The following CAMSAP2 variants were observed in gnomAD, a reference collection of about 807,000 sequenced individuals.
CAMSAP2 encodes calmodulin-regulated spectrin-associated protein 2.
Under a neutral mutation model 146.1 loss-of-function variants are expected in CAMSAP2, and 26 were observed. The ratio of observed to expected loss-of-function variants is 0.18; its 90% CI spans 0.13 to 0.25. CAMSAP2 has a LOEUF of 0.25. Ranked by LOEUF, CAMSAP2 falls within the 10% of genes least tolerant of loss-of-function variation. The probability of loss-of-function intolerance (pLI) is 1.00; values close to 1 mark genes in which losing one functional copy is unlikely to be tolerated. For missense variants in CAMSAP2, 1,381 were observed against 1,759.3 expected (o/e 0.78, Z 3.85); for synonymous variants, 499 against 596.6 (o/e 0.84, Z 2.38).
Position 200,739,728 on chromosome 1 carries a change from T to G in CAMSAP2, c.-100T>G. The G allele has an allele frequency of 5.9e-5, 69 of 1,166,040 alleles. No individual in the cohort carries two copies. Among genetic ancestry groups the G allele is most frequent in the East Asian group, 1.5e-4 (5 of 32,394 alleles). The allele number at this position is 1,166,040 out of a possible 1,614,324, so 72.2% of individuals were successfully genotyped here. A position where few individuals can be genotyped will look rare whatever the true frequency, so the allele number is the denominator to read the frequency against. On this transcript the variant is annotated 5_prime_UTR_variant, in exon 1 of 17. It removes an upstream start codon present in the reference 5' UTR. Transcript: ENST00000358823. The surrounding 1 kb of genome is among the most constrained non-coding windows in gnomAD (Gnocchi z 4.8). ...CGGGCGGACATCGCCCGGGCCCCGA[T>G]GGTTTGAGCTTGCTTCTCCCTCCCT...
chr1:200,812,776 G>A (rs1666368119), intron 3 of CAMSAP2, among the ~76,000 whole-genome samples: 2 of 152,128 alleles, frequency 1.3e-5, no homozygotes, highest in South Asian at 4.1e-4. Flanking sequence ...TCATGCAGAG[G>A]TACACAAAAA....
intron 2 of CAMSAP2, among the ~76,000 whole-genome samples, chr1:200,763,511 C>G (rs1395947849): frequency 6.6e-6 from 1 of 152,082 alleles, no homozygotes; most frequent in Non-Finnish European, 1.5e-5. Context: ...TGCACTCCAG[C>G]CAGACTGGGC....
intron 4 of CAMSAP2, among the ~76,000 whole-genome samples, chr1:200,817,835 T>C (rs1366757081): frequency 4.6e-5 from 7 of 152,230 alleles, no homozygotes; most frequent in Admixed American, 4.6e-4. Flanking sequence ...TAATCCTTCA[T>C]TCTAACTCTG....
At chr1:200,798,426 G>T (rs1381852968) in intron 2 of CAMSAP2, among the ~76,000 whole-genome samples, 1 of 127,234 alleles carries the variant, frequency 7.9e-6, no homozygotes, top group Non-Finnish European at 1.6e-5. Context: ...TCTCTTTGAA[G>T]CAATTGTGAA....
rs1667080102 is a variant in CAMSAP2, at chr1:200,832,872, T to G, written c.927+27T>G. On this transcript the variant is annotated intron_variant, in intron 6 of 16. Transcript: ENST00000358823. This position sits in a 1 kb window ranked among gnomAD's most constrained non-coding sequence, Gnocchi z 4.2. ...TAAATTAAATTATTCTTTTTTTCCC[T>G]TTGCTTTGTTAAAATATGTTTTTTT... 6.5e-7 allele frequency: 1 copy of G among 1,540,388 alleles called. No homozygotes were observed. The highest frequency in any genetic ancestry group is 8.7e-7 in the Non-Finnish European group (1 of 1,143,982).
At chr1:200,782,421 TAACC>T in intron 2 of CAMSAP2, among the ~76,000 whole-genome samples, 1 of 152,282 alleles carries the variant, frequency 6.6e-6, no homozygotes. Context: ...TAGAACATAA[TAACC>T]CCCCAAAATT....
At chr1:200,835,256 G>A (rs1361532034) in intron 6 of CAMSAP2, among the ~76,000 whole-genome samples, 7 of 152,170 alleles carry the variant, frequency 4.6e-5, no homozygotes, top group Non-Finnish European at 7.4e-5. Context: ...GTGTGTAAAA[G>A]TTATTAAGAT....
chr1:200,752,108 A>G (rs766822862), intron 1 of CAMSAP2, among the ~76,000 whole-genome samples: 7 of 152,144 alleles, frequency 4.6e-5, no homozygotes, highest in African/African-American at 1.4e-4. Flanking sequence ...TTTTAATTTT[A>G]TCTTTCACTT....
At chr1:200,743,110 C>G (rs1013262821) in intron 1 of CAMSAP2, among the ~76,000 whole-genome samples, 2 of 152,112 alleles carry the variant, frequency 1.3e-5, no homozygotes, top group African/African-American at 2.4e-5. Flanking sequence ...CTATCTGTGC[C>G]TTTTCTATAT....
intron 2 of CAMSAP2, among the ~76,000 whole-genome samples, chr1:200,784,684 G>A (rs1665536212): frequency 6.6e-6 from 1 of 152,068 alleles, no homozygotes; most frequent in Non-Finnish European, 1.5e-5. Flanking sequence ...CAATCATGTT[G>A]TCTGTGAATA....
rs949250472 is a variant in CAMSAP2, at chr1:200,739,977, TC to T, written c.139+12del. ...AAGCCTTTGGGACAGGTTAGTGGTG[TC>T]ACCCTTTCCCTCCCCTCTTCCTCCT... On this transcript the variant is annotated intron_variant, in intron 1 of 16. Coordinates refer to ENST00000358823, the MANE Select transcript of CAMSAP2 (RefSeq NM_203459.4). This position sits in a 1 kb window ranked among gnomAD's most constrained non-coding sequence, Gnocchi z 4.8. 6.2e-7 allele frequency: 1 copy of T among 1,613,556 alleles called. No homozygotes were observed. The highest frequency in any genetic ancestry group is 1.3e-5 in the African/African-American group (1 of 74,874).
chr1:200,842,179 C>A, intron 7 of CAMSAP2, 92 bp downstream of exon 7: 2 of 932,976 alleles, frequency 2.1e-6, no homozygotes, highest in Non-Finnish European at 3.3e-6. Flanking sequence ...TAGAAATCAG[C>A]CTATTATTTT....
rs753662392 is a variant in CAMSAP2 at position 200,849,068 on chromosome 1, C to A, written c.2299C>A (p.Gln767Lys). 6.2e-7 allele frequency: 1 copy of A among 1,613,824 alleles called. No homozygotes were observed. Among genetic ancestry groups the A allele is most frequent in the Non-Finnish European group, 8.5e-7 (1 of 1,179,958 alleles). The change falls in exon 11 of 17, where the codon CAG becomes AAG. Residue 767 changes from glutamine to lysine, a missense_variant. Physicochemically the swap from Gln to Lys is moderately conservative, Grantham distance 53. Transcript: ENST00000358823. This position sits in a 1 kb window ranked among gnomAD's most constrained non-coding sequence, Gnocchi z 6.3. ...LEEKRRAIEA[Q>K]KKKMEAAFTK... ...AGAAAAGAGGCGTGCTATAGAAGCC[C>A]AGAAAAAGAAAATGGAAGCTGCTTT... is the stretch of plus-strand genomic sequence containing the variant.
At chr1:200,740,991 T>C (rs1457974479) in intron 1 of CAMSAP2, among the ~76,000 whole-genome samples, 12 of 152,220 alleles carry the variant, frequency 7.9e-5, no homozygotes, top group Admixed American at 6.5e-4. Flanking sequence ...AATTTCCACA[T>C]GTTAAATATA....
chr1:200,809,681 A>AGATC, intron 3 of CAMSAP2, among the ~76,000 whole-genome samples: 1 of 152,338 alleles, frequency 6.6e-6, no homozygotes, highest in East Asian at 1.9e-4. Flanking sequence ...CAGTGAGCCG[A>AGATC]GATCGCGCCA....
intron 1 of CAMSAP2, among the ~76,000 whole-genome samples, chr1:200,753,317 A>G (rs1044316860): frequency 6.8e-6 from 1 of 146,028 alleles, no homozygotes; most frequent in Non-Finnish European, 1.5e-5. Flanking sequence ...AAAAAAAAAA[A>G]GATAGAGCAC....
chr1:200,773,495 G>C (rs371351863), intron 2 of CAMSAP2, among the ~76,000 whole-genome samples: 2 of 152,134 alleles, frequency 1.3e-5, no homozygotes, highest in South Asian at 4.1e-4. Context: ...GACCTCACAT[G>C]ATCCGCCTGC....
chr1:200,816,836 G>A (rs377092674), intron 4 of CAMSAP2, among the ~76,000 whole-genome samples: 583 of 49,768 alleles, frequency 0.012, 90 homozygotes, highest in African/African-American at 0.019. Flanking sequence ...ACACGCGTGT[G>A]TATGTGTGTA....
chr1:200,750,058 A>G (rs35045998), intron 1 of CAMSAP2, among the ~76,000 whole-genome samples: 19,601 of 152,180 alleles, frequency 0.13, 1,295 homozygotes, highest in East Asian at 0.17. Flanking sequence ...TGTGTGTGAC[A>G]TGACCAAATT....
Sources: gnomAD v4.1 joint callset for allele counts (sites outside exome capture counted in the v4.1 genomes callset) on GRCh38, gnomAD v4.1.1 for gene constraint, Gnocchi (gnomAD v3.1) non-coding constraint, MANE v1.5 for transcripts, NCBI Gene and HGNC (gene_info 2026-07-23, HGNC 2026-07-21) for gene names.